Variants in RALGPS1 observed in about 807,000 individuals in gnomAD.
RALGPS1 encodes the protein ras-specific guanine nucleotide-releasing factor RalGPS1.
Under a neutral mutation model 78.8 loss-of-function variants are expected in RALGPS1, and 19 were observed. That is an observed-to-expected ratio of 0.24 (90% CI 0.17 to 0.35). RALGPS1 has a LOEUF of 0.35. RALGPS1 is among the 10% of genes least tolerant of loss of function. RALGPS1 has a pLI of 1.00. For missense variants in RALGPS1, 454 were observed against 688.3 expected, an observed-to-expected ratio of 0.66 and a Z score of 3.81; for synonymous variants, 228 against 256.3, an observed-to-expected ratio of 0.89 and a Z score of 1.06.
At chr9:127,107,822 G>A in intron 8 of RALGPS1, 1 of 1,331,914 alleles carries the variant, frequency 7.5e-7, no homozygotes. Context: ...GGCTTCAACT[G>A]GCCATGGCTT....
At chr9:127,119,127 G>T (rs998299689) in intron 8 of RALGPS1, among the ~76,000 whole-genome samples, 1 of 152,174 alleles carries the variant, frequency 6.6e-6, no homozygotes, top group Non-Finnish European at 1.5e-5. Flanking sequence ...ACCCAGGCAC[G>T]TGGAACAAGT....
chr9:127,175,933 A>T (rs761750741), intron 11 of RALGPS1, among the ~76,000 whole-genome samples: 13 of 152,118 alleles, frequency 8.5e-5, no homozygotes, highest in Non-Finnish European at 1.6e-4. Flanking sequence ...TGCTGGACAC[A>T]GGACCACAGA....
At chr9:127,031,767 G>A (rs2046450498) in intron 4 of RALGPS1, among the ~76,000 whole-genome samples, 1 of 152,330 alleles carries the variant, frequency 6.6e-6, no homozygotes, top group Admixed American at 6.5e-5. Context: ...CTCTGCTGAT[G>A]TGTTAATTTT....
At chr9:127,079,656 T>C (rs998865500) in intron 8 of RALGPS1, 9 of 152,202 alleles carry the variant, frequency 5.9e-5, no homozygotes, top group African/African-American at 1.7e-4. Flanking sequence ...TGGCACGGGA[T>C]TGAGACCTGC....
chr9:127,073,182 T>C (rs1308285334), intron 8 of RALGPS1, among the ~76,000 whole-genome samples: 5 of 152,176 alleles, frequency 3.3e-5, no homozygotes, highest in Non-Finnish European at 1.5e-5. Context: ...AACTTATACC[T>C]TCTCTCTAAC....
At chr9:127,089,236 A>G in intron 8 of RALGPS1, 2 of 1,314,228 alleles carry the variant, frequency 1.5e-6, no homozygotes, top group Non-Finnish European at 2.2e-6. Flanking sequence ...TCTGGGAGGC[A>G]TCTGGAGCAA....
At chr9:127,109,740 G>T (rs1489115850) in intron 8 of RALGPS1, among the ~76,000 whole-genome samples, 1 of 152,232 alleles carries the variant, frequency 6.6e-6, no homozygotes, top group African/African-American at 2.4e-5. Context: ...GCCAGTCCCT[G>T]CCCTCATGGG....
At chr9:126,990,328 T>G (rs940540204) in intron 4 of RALGPS1, 20 of 250,854 alleles carry the variant, frequency 8.0e-5, no homozygotes, top group Admixed American at 6.3e-4. Flanking sequence ...TCATGTCTCC[T>G]CACATTGAGT....
intron 10 of RALGPS1, among the ~76,000 whole-genome samples, chr9:127,172,204 T>G (rs922759767): frequency 2.6e-5 from 4 of 152,338 alleles, no homozygotes; most frequent in African/African-American, 9.6e-5. Context: ...GAGAAATGTC[T>G]GTGTTGGACT....
chr9:127,088,789 C>A, intron 8 of RALGPS1: 1 of 848,916 alleles, frequency 1.2e-6, no homozygotes, highest in South Asian at 1.7e-5. Context: ...GTTCCATCAT[C>A]CGCTGCAGTG....
intron 8 of RALGPS1, among the ~76,000 whole-genome samples, chr9:127,152,070 T>A (rs2058452505): frequency 6.6e-6 from 1 of 152,200 alleles, no homozygotes; most frequent in Non-Finnish European, 1.5e-5. Flanking sequence ...TCATATCTCA[T>A]GCATCTCTCT....
intron 8 of RALGPS1, among the ~76,000 whole-genome samples, chr9:127,127,373 C>T (rs1232760603): frequency 1.3e-5 from 2 of 152,034 alleles, no homozygotes; most frequent in Admixed American, 6.6e-5. Flanking sequence ...CAAAACAGTC[C>T]ACTCCTCCAT....
chr9:126,965,806 A>T, intron 2 of RALGPS1, 38 bp from the exon 3 acceptor site: 1 of 1,501,774 alleles, frequency 6.7e-7, no homozygotes, highest in Non-Finnish European at 9.3e-7. Context: ...TCCACGTCAT[A>T]TCATTCAGTT....
At chr9:127,104,774 G>C (rs1335022837) in intron 8 of RALGPS1, among the ~76,000 whole-genome samples, 1 of 152,240 alleles carries the variant, frequency 6.6e-6, no homozygotes, top group African/African-American at 2.4e-5. Flanking sequence ...ATGGCTCTGA[G>C]GCTGCTGAGT....
intron 1 of RALGPS1, among the ~76,000 whole-genome samples, chr9:126,935,027 C>G (rs10987523): frequency 0.063 from 9,570 of 152,272 alleles, 970 homozygotes; most frequent in African/African-American, 0.22. Flanking sequence ...CCCTTCCCCA[C>G]CAGTGCAGAC....
intron 3 of RALGPS1, among the ~76,000 whole-genome samples, chr9:126,971,527 G>A (rs1415245828): frequency 6.6e-6 from 1 of 152,072 alleles, no homozygotes; most frequent in East Asian, 1.9e-4. Context: ...CATAATTAAG[G>A]AAAGAAAGAA....
chr9:126,938,197 C>T (rs1370945601), intron 1 of RALGPS1, among the ~76,000 whole-genome samples: 3 of 152,166 alleles, frequency 2.0e-5, no homozygotes, highest in Non-Finnish European at 4.4e-5. Context: ...GAGCACCCAT[C>T]AGCAGTGTTG....
In RALGPS1 at chr9:127,113,573, C is replaced by T. The variant is rs181626613; in HGVS notation, c.610+44217C>T. 2.5e-3 allele frequency among the ~76,000 whole-genome samples: 371 copies of T among 148,512 alleles called. 2 individuals carry two copies. Among genetic ancestry groups the T allele is most frequent in the Non-Finnish European group, 3.3e-3 (223 of 67,290 alleles). On this transcript the variant is annotated intron_variant, in intron 8 of 18. Transcript: ENST00000259351. Reference sequence around the variant, plus strand: ...ACTCAACTCCAATCAAAGTGATGCTCCTCACTTTTTTCCTGTGTCCAACAA... The same window carrying T: ...ACTCAACTCCAATCAAAGTGATGCTTCTCACTTTTTTCCTGTGTCCAACAA...
At chr9:127,006,359 G>A (rs1265300480) in intron 4 of RALGPS1, among the ~76,000 whole-genome samples, 1 of 152,176 alleles carries the variant, frequency 6.6e-6, no homozygotes, top group Non-Finnish European at 1.5e-5. Flanking sequence ...TTGGAGAATG[G>A]TGGCGTTCTT....
Sources: allele counts gnomAD v4.1 joint callset (sites outside exome capture counted in the v4.1 genomes callset), GRCh38; gene constraint gnomAD v4.1.1; transcripts MANE v1.5; gene names NCBI Gene and HGNC (gene_info 2026-07-23, HGNC 2026-07-21).